The following ADGRV1 variants were observed in gnomAD, a reference collection of about 807,000 sequenced individuals.
ADGRV1 encodes G-protein coupled receptor 98.
A neutral mutation model predicts 596.2 loss-of-function variants in ADGRV1; 359 were observed. The observed-to-expected ratio is 0.60, with a 90% CI of 0.55 to 0.66. ADGRV1 has a LOEUF of 0.66. Ranked by LOEUF, ADGRV1 falls within the 30% of genes least tolerant of loss-of-function variation. The pLI, the probability that ADGRV1 is intolerant of heterozygous loss-of-function variation, is 0.00. For synonymous variants in ADGRV1, 2,681 were observed against 2,679.2 expected, an observed-to-expected ratio of 1.00 and a Z score of -0.02; for missense variants, 7,274 against 7,575.6, an observed-to-expected ratio of 0.96 and a Z score of 1.48.
chr5:91,072,693 A>C, intron 86 of ADGRV1, 89 bp downstream of exon 86: 1 of 1,370,122 alleles, frequency 7.3e-7, no homozygotes, highest in Non-Finnish European at 1.0e-6. Context: ...AAAAAGAGGG[A>C]AGTTCGGCTC....
intron 78 of ADGRV1, among the ~76,000 whole-genome samples, chr5:90,842,452 C>T (rs945401024): frequency 6.6e-6 from 1 of 152,174 alleles, no homozygotes; most frequent in South Asian, 2.1e-4. Context: ...AAAATATTGC[C>T]TGTAATCCCA....
At chr5:90,756,271 T>G (rs1755820373) in intron 55 of ADGRV1, among the ~76,000 whole-genome samples, 183 bp from the exon 56 acceptor site, 1 of 152,224 alleles carries the variant, frequency 6.6e-6, no homozygotes, top group Non-Finnish European at 1.5e-5. Context: ...GAATATTCTA[T>G]AGATTCTGAA....
intron 83 of ADGRV1, among the ~76,000 whole-genome samples, chr5:90,878,756 A>G (rs73771109): frequency 0.016 from 2,439 of 152,316 alleles, 67 homozygotes; most frequent in African/African-American, 0.056. Context: ...TTATACAGAT[A>G]TGAAAGGAGG....
chr5:90,750,840 A>G, intron 53 of ADGRV1, 143 bp downstream of exon 53: 1 of 580,940 alleles, frequency 1.7e-6, no homozygotes, highest in South Asian at 3.9e-5. Flanking sequence ...AGAGAGGGAT[A>G]CAATTTAAGG....
chr5:90,673,646 T>C (rs1229950840), intron 22 of ADGRV1, among the ~76,000 whole-genome samples: 8 of 152,070 alleles, frequency 5.3e-5, no homozygotes, highest in Non-Finnish European at 1.2e-4. Context: ...CAATATGCCC[T>C]CCTCACGGTG....
In ADGRV1 at chr5:90,939,414, A is replaced by G. The variant is rs542284629; in HGVS notation, c.17857-26001A>G. Among the ~76,000 whole-genome samples, 390 of 152,304 alleles carry G rather than the reference A, an allele frequency of 2.6e-3. 1 individual carries two copies. The highest frequency in any genetic ancestry group is 9.1e-3 in the African/African-American group (377 of 41,578). On this transcript the variant is annotated intron_variant, in intron 83 of 89. Transcript: ENST00000405460. Reference sequence around the variant, plus strand: ...TAGGTTAATTTGAGTTCATTATTCAAATACCAGCGCCTAACAGATGGAACA... The same window carrying G: ...TAGGTTAATTTGAGTTCATTATTCAGATACCAGCGCCTAACAGATGGAACA...
At chr5:91,087,314 G>A (rs757629246) in intron 86 of ADGRV1, among the ~76,000 whole-genome samples, 3 of 151,906 alleles carry the variant, frequency 2.0e-5, no homozygotes, top group South Asian at 2.1e-4. Context: ...TTTTTGAGAC[G>A]GAGTCTCACT....
chr5:90,883,234 G>T (rs1769962673), intron 83 of ADGRV1, among the ~76,000 whole-genome samples: 1 of 152,070 alleles, frequency 6.6e-6, no homozygotes, highest in African/African-American at 2.4e-5. Context: ...AAAATTACAT[G>T]TTCATCTGTG....
At chr5:91,126,896 G>T (rs1241140488) in intron 87 of ADGRV1, among the ~76,000 whole-genome samples, 1 of 152,160 alleles carries the variant, frequency 6.6e-6, no homozygotes, top group Non-Finnish European at 1.5e-5. Flanking sequence ...GAGGCAGCAA[G>T]CAGCATACCC....
chr5:90,966,125 A>G (rs1168668161), intron 84 of ADGRV1, among the ~76,000 whole-genome samples: 4 of 152,204 alleles, frequency 2.6e-5, no homozygotes, highest in African/African-American at 9.6e-5. Flanking sequence ...CTGGCCGGGT[A>G]TCTGGTGGAT....
At chr5:90,767,784 G>T (rs1248229805) in intron 59 of ADGRV1, among the ~76,000 whole-genome samples, 2 of 151,838 alleles carry the variant, frequency 1.3e-5, no homozygotes, top group East Asian at 3.9e-4. Context: ...GATTAAGGAA[G>T]TCATCAGTGA....
chr5:90,660,142 A>G (rs1249997077), intron 21 of ADGRV1, among the ~76,000 whole-genome samples: 1 of 152,224 alleles, frequency 6.6e-6, no homozygotes, highest in Non-Finnish European at 1.5e-5. Flanking sequence ...TTAAAAATAT[A>G]AAATAATACC....
intron 85 of ADGRV1, among the ~76,000 whole-genome samples, chr5:91,029,935 C>T (rs984277907): frequency 6.6e-6 from 1 of 152,030 alleles, no homozygotes; most frequent in Non-Finnish European, 1.5e-5. Flanking sequence ...TTATTTTTTA[C>T]ACTTAGATAT....
At chr5:91,050,469 T>C (rs1029787796) in intron 85 of ADGRV1, among the ~76,000 whole-genome samples, 2 of 152,224 alleles carry the variant, frequency 1.3e-5, no homozygotes, top group Non-Finnish European at 2.9e-5. Context: ...TCAGGTATAG[T>C]ATGTATTTAT....
intron 83 of ADGRV1, among the ~76,000 whole-genome samples, chr5:90,883,325 A>G (rs1306374761): frequency 6.6e-6 from 1 of 152,184 alleles, no homozygotes; most frequent in African/African-American, 2.4e-5. Context: ...GAGGATTTTT[A>G]TGCTGGAGAG....
At chr5:90,692,842 G>A in intron 32 of ADGRV1, 56 bp downstream of exon 32, 4 of 1,347,610 alleles carry the variant, frequency 3.0e-6, no homozygotes, top group East Asian at 2.6e-5. Context: ...GGGGTGGTGG[G>A]GAAGGATCCC....
intron 1 of ADGRV1, among the ~76,000 whole-genome samples, chr5:90,582,299 TC>T (rs1346101131): frequency 6.6e-6 from 1 of 152,148 alleles, no homozygotes; most frequent in African/African-American, 2.4e-5. Flanking sequence ...TGTTGAAATC[TC>T]CCACTATTTT....
intron 21 of ADGRV1, among the ~76,000 whole-genome samples, chr5:90,663,898 A>G (rs1325677053): frequency 6.6e-5 from 10 of 151,540 alleles, no homozygotes; most frequent in South Asian, 2.1e-4. Context: ...GTTTTTCTCA[A>G]GTTTGTCAAA....
At chr5:90,738,561 A>T (rs961990289) in intron 50 of ADGRV1, among the ~76,000 whole-genome samples, 4 of 152,144 alleles carry the variant, frequency 2.6e-5, no homozygotes, top group African/African-American at 7.2e-5. Flanking sequence ...TTTCTGAAGG[A>T]CAGCTTTCCT....
Sources: gnomAD v4.1 joint callset for allele counts (sites outside exome capture counted in the v4.1 genomes callset) on GRCh38, gnomAD v4.1.1 for gene constraint, MANE v1.5 for transcripts, NCBI Gene and HGNC (gene_info 2026-07-23, HGNC 2026-07-21) for gene names.